Variants in FRMD5 observed in about 807,000 individuals in gnomAD.
FRMD5 encodes FERM domain-containing protein 5.
Under a neutral mutation model 69.0 loss-of-function variants are expected in FRMD5, and 20 were observed. The observed-to-expected ratio is 0.29, with a 90% CI of 0.20 to 0.42. The LOEUF (loss-of-function observed/expected upper bound fraction) is 0.42, where lower values mean the gene tolerates loss of function less well. Among genes scored for constraint, FRMD5 ranks in the 10% least tolerant of loss-of-function variants. The pLI is 1.00. For missense variants in FRMD5, 595 were observed against 708.6 expected, an observed-to-expected ratio of 0.84 and a Z score of 1.82; for synonymous variants, 271 against 260.1, an observed-to-expected ratio of 1.04 and a Z score of -0.40.
intron 1 of FRMD5, among the ~76,000 whole-genome samples, chr15:44,053,796 T>C (rs1892762571): frequency 1.3e-5 from 2 of 152,134 alleles, no homozygotes; most frequent in Non-Finnish European, 1.5e-5. Flanking sequence ...AAACTGAAGC[T>C]CAGGGTGAGA....
At position 43,875,804 on chromosome 15, in the gene FRMD5, GTTTTTTTTTTTTTT is replaced by G. The variant is rs34063043; in HGVS notation, c.1136-1356_1136-1343del. 9 of 210,660 alleles carry G rather than the reference GTTTTTTTTTTTTTT, an allele frequency of 4.3e-5. 1 individual carries two copies. Among genetic ancestry groups the G allele is most frequent in the African/African-American group, 1.9e-4 (4 of 20,938 alleles). 13.0% of individuals were successfully genotyped at this position (210,660 alleles called of 1,614,324 possible). A position where few individuals can be genotyped will look rare whatever the true frequency, so the allele number is the denominator to read the frequency against. The stretch of plus-strand genomic sequence containing the variant: ...TCTTGCCTTTGGTGTCCTGGGCCTA[GTTTTTTTTTTTTTT>G]TTTTTTTTTCTTTCAGTCTTTCATA... On this transcript the variant is annotated intron_variant, in intron 13 of 13. Transcript: ENST00000417257.
rs138832220 is a variant in FRMD5, at chr15:43,951,072, T to C, written c.103-26763A>G. On this transcript the variant is annotated intron_variant, in intron 1 of 13. Coordinates refer to ENST00000417257, the MANE Select transcript of FRMD5 (RefSeq NM_032892.5). ...TAGCATATGCATCACCTGAAACATT[T>C]ATCATTTCTCTGTTTTGAGAACATA... is the stretch of plus-strand genomic sequence containing the variant. Among the ~76,000 whole-genome samples, 7 of 152,302 alleles carry C rather than the reference T, an allele frequency of 4.6e-5. No homozygotes were observed. The East Asian group carries it at 1.3e-3, about 29-fold the overall frequency.
chr15:44,130,266 G>A (rs1360103952), intron 1 of FRMD5, among the ~76,000 whole-genome samples: 1 of 152,196 alleles, frequency 6.6e-6, no homozygotes, highest in African/African-American at 2.4e-5. Context: ...AAGAGGATTC[G>A]CCCACTAGTC....
intron 1 of FRMD5, among the ~76,000 whole-genome samples, chr15:44,022,929 TG>T (rs1219500404): frequency 6.6e-6 from 1 of 152,180 alleles, no homozygotes; most frequent in African/African-American, 2.4e-5. Flanking sequence ...TGTTACAGAA[TG>T]GCTTCAGGTA....
chr15:44,184,851 T>C lies in FRMD5; in HGVS notation c.102+10102A>G, dbSNP rs143355019. The stretch of plus-strand genomic sequence containing the variant: ...ATGTGAGATAAATCATTAGTAAAAA[T>C]AGTCCATAATATTTTATAATGACAC... On this transcript the variant is annotated intron_variant, in intron 1 of 13. Transcript: ENST00000417257. Among the ~76,000 whole-genome samples the C allele has an allele frequency of 8.5e-4, 129 of 152,328 alleles. 3 individuals carry two copies. In the East Asian group the frequency reaches 0.024, roughly 28 times the overall value.
At chr15:43,959,146 C>T (rs1157719139) in intron 1 of FRMD5, among the ~76,000 whole-genome samples, 2 of 152,236 alleles carry the variant, frequency 1.3e-5, no homozygotes, top group Non-Finnish European at 2.9e-5. Flanking sequence ...GACCTCATAG[C>T]TCACTGCCTC....
intron 9 of FRMD5, 38 bp downstream of exon 9, chr15:43,888,771 C>A: frequency 2.5e-6 from 4 of 1,571,178 alleles, no homozygotes; most frequent in Non-Finnish European, 3.5e-6. Context: ...CATCCCATCA[C>A]CCCAGCCCTC....
chr15:44,036,962 G>C (rs1891941785), intron 1 of FRMD5, among the ~76,000 whole-genome samples: 1 of 151,940 alleles, frequency 6.6e-6, no homozygotes, highest in Admixed American at 6.6e-5. Context: ...TTGCCTGACT[G>C]TTAGGCAGCA....
At chr15:44,087,664 ATATT>A (rs1246888340) in intron 1 of FRMD5, among the ~76,000 whole-genome samples, 4 of 152,162 alleles carry the variant, frequency 2.6e-5, no homozygotes, top group African/African-American at 9.7e-5. Context: ...ATACATACAC[ATATT>A]TATTCATTTA....
chr15:43,913,601 G>C (rs938436577), intron 4 of FRMD5, among the ~76,000 whole-genome samples: 1 of 152,228 alleles, frequency 6.6e-6, no homozygotes, highest in Non-Finnish European at 1.5e-5. Flanking sequence ...TGCCACACAA[G>C]GGCCTAAGGA....
intron 1 of FRMD5, among the ~76,000 whole-genome samples, chr15:44,027,769 C>T (rs550231894): frequency 4.0e-5 from 6 of 151,764 alleles, no homozygotes; most frequent in Non-Finnish European, 8.8e-5. Flanking sequence ...CTCAGCCTCC[C>T]GAGTAGCTGG....
intron 1 of FRMD5, among the ~76,000 whole-genome samples, chr15:44,122,130 AC>A (rs1436921556): frequency 1.3e-5 from 2 of 152,094 alleles, no homozygotes; most frequent in East Asian, 1.9e-4. Context: ...CATTAAAAAA[AC>A]GTAACAAACC....
intron 1 of FRMD5, among the ~76,000 whole-genome samples, chr15:43,981,152 G>T (rs946873323): frequency 2.0e-5 from 3 of 152,016 alleles, no homozygotes; most frequent in African/African-American, 7.3e-5. Flanking sequence ...AGTAGCTGGG[G>T]TTTCACCATG....
intron 1 of FRMD5, among the ~76,000 whole-genome samples, chr15:44,100,314 C>G (rs947454914): frequency 1.3e-5 from 2 of 151,850 alleles, no homozygotes; most frequent in Non-Finnish European, 2.9e-5. Context: ...GCCTTGGCCT[C>G]CCGAAGTGCT....
chr15:43,913,135 C>G (rs750072297), intron 4 of FRMD5, among the ~76,000 whole-genome samples: 2 of 152,128 alleles, frequency 1.3e-5, no homozygotes, highest in Non-Finnish European at 2.9e-5. Flanking sequence ...CACTGAGAAC[C>G]ACTGTCTTTC....
rs375321615 is a variant in FRMD5, at chr15:43,936,467, A to G, written c.103-12158T>C. Among the ~76,000 whole-genome samples, 5 of 152,332 alleles carry G rather than the reference A, an allele frequency of 3.3e-5. No homozygotes were observed. In the East Asian group the frequency reaches 9.6e-4, roughly 29 times the overall value. ...TGGCCTCCCAATGTGCTGGGATTAC[A>G]GCCATGAGCCACCACGCCCGGCCAA... On this transcript the variant is annotated intron_variant, in intron 1 of 13. Transcript: ENST00000417257.
intron 1 of FRMD5, among the ~76,000 whole-genome samples, chr15:43,997,091 A>G (rs1307087946): frequency 5.3e-4 from 81 of 152,104 alleles, no homozygotes; most frequent in Non-Finnish European, 2.5e-4. Flanking sequence ...GAAAAGAGAG[A>G]AAGTTTGAAC....
At chr15:43,901,987 G>A in intron 7 of FRMD5, 188 bp downstream of exon 7, 3 of 573,144 alleles carry the variant, frequency 5.2e-6, no homozygotes, top group Non-Finnish European at 9.3e-6. Context: ...ACATTGATGT[G>A]GCACCACAAA....
intron 4 of FRMD5, among the ~76,000 whole-genome samples, chr15:43,915,786 A>G (rs1233666473): frequency 2.0e-5 from 3 of 152,188 alleles, no homozygotes; most frequent in Admixed American, 6.5e-5. Flanking sequence ...GCCTGGCTTT[A>G]TGGGAATGGC....
Sources: allele counts gnomAD v4.1 joint callset (sites outside exome capture counted in the v4.1 genomes callset), GRCh38; gene constraint gnomAD v4.1.1; transcripts MANE v1.5; gene names NCBI Gene and HGNC (gene_info 2026-07-23, HGNC 2026-07-21).